The following UNC5B variants were observed in gnomAD, a reference collection of about 807,000 sequenced individuals.
The protein encoded by UNC5B is unc-5 netrin receptor B.
A neutral mutation model predicts 103.7 loss-of-function variants in UNC5B; 56 were observed. That is an observed-to-expected ratio of 0.54 (90% CI 0.44 to 0.67). UNC5B has a LOEUF of 0.67. Among genes scored for constraint, UNC5B ranks in the 30% least tolerant of loss-of-function variants. The pLI is 0.00. For synonymous variants in UNC5B, 577 were observed against 542.0 expected, an observed-to-expected ratio of 1.06 and a Z score of -0.90; for missense variants, 1,194 against 1,284.5, an observed-to-expected ratio of 0.93 and a Z score of 1.08.
intron 1 of UNC5B, among the ~76,000 whole-genome samples, chr10:71,264,497 G>A (rs1441469709): frequency 6.6e-6 from 1 of 152,186 alleles, no homozygotes; most frequent in Non-Finnish European, 1.5e-5. Flanking sequence ...CCTGATTCCG[G>A]CTCAGATAGC....
intron 16 of UNC5B, 27 bp from the exon 17 acceptor site, chr10:71,299,085 C>A: frequency 6.2e-7 from 1 of 1,613,200 alleles, no homozygotes; most frequent in Non-Finnish European, 8.5e-7. Context: ...TGCTTGGGAA[C>A]CTCAGTGCCC....
At position 71,221,292 on chromosome 10, in the gene UNC5B, C is replaced by G. The variant is rs968824418; in HGVS notation, c.79+8228C>G. 3.3e-5 allele frequency among the ~76,000 whole-genome samples: 5 copies of G among 152,232 alleles called. 1 individual carries two copies. Among genetic ancestry groups the G allele is most frequent in the African/African-American group, 1.2e-4 (5 of 41,470 alleles). Reference sequence around the variant, plus strand: ...TAGAGAAGGGCCCCACTGGCAGAGGCAGCCTGGGCATGTGCGAGAAGGGGC... The same window carrying G: ...TAGAGAAGGGCCCCACTGGCAGAGGGAGCCTGGGCATGTGCGAGAAGGGGC... On this transcript the variant is annotated intron_variant, in intron 1 of 16. Transcript: ENST00000335350.
At position 71,293,501 on chromosome 10, in the gene UNC5B, C is replaced by T. The variant is rs1184497939; in HGVS notation, c.1869C>T (p.Pro623=). 3.7e-6 allele frequency: 6 copies of T among 1,614,114 alleles called. No individual in the cohort carries two copies. The highest frequency in any genetic ancestry group is 5.1e-6 in the Non-Finnish European group (6 of 1,180,040). ...GCCGCCCCGTCATCCTCACCATGCC[C>T]CACTGTGCCGAAGTCAGTGCCCGTG... ...LLCRPVILTM[P]HCAEVSARDW... The change falls in exon 12 of 17, where the codon CCC becomes CCT. Residue 623 remains proline, a synonymous_variant. Coordinates refer to ENST00000335350, the MANE Select transcript of UNC5B (RefSeq NM_170744.5).
At chr10:71,216,051 AATTCTGT>A (rs1239946947) in intron 1 of UNC5B, among the ~76,000 whole-genome samples, 2 of 151,976 alleles carry the variant, frequency 1.3e-5, no homozygotes, top group Admixed American at 1.3e-4. Context: ...ACAAACAGGG[AATTCTGT>A]AGGATAAAAC....
Position 71,230,059 on chromosome 10 carries a change from A to G in UNC5B, c.79+16995A>G, listed in dbSNP as rs180909331. 9.2e-4 allele frequency among the ~76,000 whole-genome samples: 140 copies of G among 152,260 alleles called. 1 individual carries two copies. The Middle Eastern group carries it at 0.01, about 11-fold the overall frequency. On this transcript the variant is annotated intron_variant, in intron 1 of 16. Coordinates refer to ENST00000335350, the MANE Select transcript of UNC5B (RefSeq NM_170744.5). The stretch of plus-strand genomic sequence containing the variant: ...CTACCTCCTGACCTACACTGTTATC[A>G]TCTGACTTTTCACCCCTACCTCCTC...
chr10:71,288,979 C>T lies in UNC5B; in HGVS notation c.1088C>T (p.Pro363Leu). The change falls in exon 8 of 17, where the codon CCC becomes CTC. Residue 363 changes from proline to leucine, a missense_variant. Transcript: ENST00000335350. ...ACAGATAAGAAAACTCTAAGCGACCCCAACAGCCACCGTAAGTCCCATTTC... is the reference window on the plus strand; with the variant it reads ...ACAGATAAGAAAACTCTAAGCGACCTCAACAGCCACCGTAAGTCCCATTTC... Reference protein sequence around the residue: ...CMQNKKTLSDPNSHLLEASGD... With the variant: ...CMQNKKTLSDLNSHLLEASGD... The T allele has an allele frequency of 6.2e-7, 1 of 1,614,180 alleles. No individual in the cohort carries two copies. The highest frequency in any genetic ancestry group is 8.5e-7 in the Non-Finnish European group (1 of 1,180,028).
chr10:71,293,868 C>A lies in UNC5B; in HGVS notation c.2110C>A (p.Leu704Ile). 1 of 1,608,430 alleles carries A rather than the reference C, an allele frequency of 6.2e-7. No homozygotes were observed. Reference protein sequence around the residue: ...RLQLAVFAPALCTSLEYSLRV... With the variant: ...RLQLAVFAPAICTSLEYSLRV... ...CCAGCTGGCCGTCTTCGCCCCCGCC[C>A]TCTGCACCTCCCTGGAGTACAGCCT... The change falls in exon 13 of 17, where the codon CTC becomes ATC. Residue 704 changes from leucine (L) to isoleucine (I), a missense_variant. Transcript: ENST00000335350.
rs369676330 is a variant in UNC5B at position 71,293,487 on chromosome 10, A to C, written c.1855A>C (p.Ile619Leu). ...AGGCCTCCTGCTGTGCCGCCCCGTCATCCTCACCATGCCCCACTGTGCCGA... is the reference window on the plus strand; with the variant it reads ...AGGCCTCCTGCTGTGCCGCCCCGTCCTCCTCACCATGCCCCACTGTGCCGA... ...PTGLLLCRPV[I>L]LTMPHCAEVS... Residue 619 changes from isoleucine (I) to leucine (L), a missense_variant, in exon 12 of 17, where the codon ATC becomes CTC. Coordinates refer to ENST00000335350, the MANE Select transcript of UNC5B (RefSeq NM_170744.5). 1 of 1,614,072 alleles carries C rather than the reference A, an allele frequency of 6.2e-7. No individual in the cohort carries two copies. The highest frequency in any genetic ancestry group is 1.1e-5 in the South Asian group (1 of 91,080).
At chr10:71,251,241 A>G (rs1052557617) in intron 1 of UNC5B, among the ~76,000 whole-genome samples, 1 of 152,214 alleles carries the variant, frequency 6.6e-6, no homozygotes, top group Non-Finnish European at 1.5e-5. Flanking sequence ...GTCAGAGGTC[A>G]GGGTAAGGAA....
chr10:71,220,517 G>A (rs1843432544), intron 1 of UNC5B, among the ~76,000 whole-genome samples: 1 of 152,164 alleles, frequency 6.6e-6, no homozygotes, highest in South Asian at 2.1e-4. Flanking sequence ...GCATGGCATT[G>A]CCAATTGGAA....
intron 1 of UNC5B, among the ~76,000 whole-genome samples, chr10:71,236,808 T>G (rs1001410695): frequency 3.3e-5 from 5 of 152,230 alleles, no homozygotes; most frequent in Admixed American, 2.6e-4. Flanking sequence ...GGGACCCTGG[T>G]CCTGAGAGCA....
intron 1 of UNC5B, among the ~76,000 whole-genome samples, chr10:71,256,259 A>G (rs948613758): frequency 6.6e-6 from 1 of 152,016 alleles, no homozygotes; most frequent in Admixed American, 6.5e-5. Flanking sequence ...TGCTGCTGCC[A>G]CTCACACAGC....
intron 1 of UNC5B, among the ~76,000 whole-genome samples, chr10:71,266,504 C>A (rs556705738): frequency 6.6e-6 from 1 of 152,320 alleles, no homozygotes; most frequent in African/African-American, 2.4e-5. Context: ...TGCAAACAAG[C>A]AGGCGGGAGC....
intron 1 of UNC5B, among the ~76,000 whole-genome samples, chr10:71,238,868 C>T (rs1843828604): frequency 6.6e-6 from 1 of 152,164 alleles, no homozygotes; most frequent in Non-Finnish European, 1.5e-5. Context: ...CAGCCTCGAC[C>T]TCCTGGGCTC....
intron 1 of UNC5B, among the ~76,000 whole-genome samples, chr10:71,224,412 C>T (rs1843519792): frequency 1.3e-5 from 2 of 148,256 alleles, no homozygotes; most frequent in South Asian, 2.2e-4. Context: ...CACACACACA[C>T]ACACGAAATG....
At chr10:71,251,021 G>A (rs1386114956) in intron 1 of UNC5B, among the ~76,000 whole-genome samples, 1 of 152,204 alleles carries the variant, frequency 6.6e-6, no homozygotes, top group African/African-American at 2.4e-5. Flanking sequence ...CAGAGACTCA[G>A]ATCTGGCTCA....
intron 1 of UNC5B, among the ~76,000 whole-genome samples, chr10:71,260,956 G>A (rs368035338): frequency 3.7e-4 from 57 of 152,328 alleles, no homozygotes; most frequent in Non-Finnish European, 7.1e-4. Context: ...CTGCTCCCCC[G>A]CAGCCCTTAC....
intron 4 of UNC5B, among the ~76,000 whole-genome samples, chr10:71,286,043 C>T (rs1370011029): frequency 6.6e-6 from 1 of 152,226 alleles, no homozygotes; most frequent in East Asian, 1.9e-4. Context: ...AGCCCAAACC[C>T]TCCTCTGCGT....
At chr10:71,264,973 A>T (rs996562633) in intron 1 of UNC5B, among the ~76,000 whole-genome samples, 245 of 6,742 alleles carry the variant, frequency 0.036, 4 homozygotes, top group East Asian at 0.21. Context: ...TGTCTCTATA[A>T]AAAAAAAAAA....
Sources: gnomAD v4.1 joint callset for allele counts (sites outside exome capture counted in the v4.1 genomes callset) on GRCh38, gnomAD v4.1.1 for gene constraint, MANE v1.5 for transcripts, NCBI Gene and HGNC (gene_info 2026-07-23, HGNC 2026-07-21) for gene names.